COL9A1: variants seen among roughly 807,000 people sequenced by gnomAD.
The protein encoded by COL9A1 is collagen alpha-1(IX) chain.
A neutral mutation model predicts 142.6 loss-of-function variants in COL9A1; 104 were observed. The observed-to-expected ratio is 0.73, with a 90% CI of 0.62 to 0.86. COL9A1 has a LOEUF of 0.86. COL9A1 is among the 40% of genes least tolerant of loss of function. The probability of loss-of-function intolerance (pLI) is 0.00; values close to 1 mark genes in which losing one functional copy is unlikely to be tolerated. For synonymous variants in COL9A1, 466 were observed against 396.0 expected, an observed-to-expected ratio of 1.18 and a Z score of -2.10; for missense variants, 1,210 against 1,176.6, an observed-to-expected ratio of 1.03 and a Z score of -0.42.
chr6:70,235,059 G>T, intron 33 of COL9A1, 119 bp from the exon 34 acceptor site: 1 of 1,263,890 alleles, frequency 7.9e-7, no homozygotes, highest in Non-Finnish European at 1.1e-6. Flanking sequence ...CCTAACAGGT[G>T]TTCTTTCAGA....
At chr6:70,300,248 T>C in intron 3 of COL9A1, 61 bp downstream of exon 3, 1 of 1,325,386 alleles carries the variant, frequency 7.5e-7, no homozygotes, top group Admixed American at 2.0e-5. Flanking sequence ...CTTTCCCAAA[T>C]AAAAAAAAAA....
At chr6:70,261,393 G>T (rs1307661657) in intron 19 of COL9A1, among the ~76,000 whole-genome samples, 2 of 152,162 alleles carry the variant, frequency 1.3e-5, no homozygotes, top group Non-Finnish European at 2.9e-5. Context: ...ATACTAGGAG[G>T]GATCCAGAAA....
At chr6:70,283,388 G>T in intron 6 of COL9A1, 1 of 767,624 alleles carries the variant, frequency 1.3e-6, no homozygotes, top group Non-Finnish European at 2.0e-6. Context: ...GCTTCTGGCT[G>T]TCCTCGGAGA....
At chr6:70,242,089 A>G in intron 29 of COL9A1, 54 bp from the exon 30 acceptor site, 1 of 1,473,096 alleles carries the variant, frequency 6.8e-7, no homozygotes, top group Non-Finnish European at 9.3e-7. Flanking sequence ...CACTGAAAGC[A>G]CGGAAGGCAG....
intron 20 of COL9A1, 80 bp from the exon 21 acceptor site, chr6:70,256,901 T>G (rs745778717): frequency 1.8e-5 from 24 of 1,354,770 alleles, no homozygotes; most frequent in Admixed American, 7.2e-5. Flanking sequence ...CTAAAGAAAT[T>G]TAATAGCCAG....
chr6:70,268,628 C>T (rs1772188598), intron 17 of COL9A1, among the ~76,000 whole-genome samples, 176 bp downstream of exon 17: 1 of 152,198 alleles, frequency 6.6e-6, no homozygotes, highest in South Asian at 2.1e-4. Context: ...ACCTCCATGT[C>T]TTGGTAGGAA....
chr6:70,278,726 C>T (rs1245212628), intron 10 of COL9A1, among the ~76,000 whole-genome samples: 1 of 152,196 alleles, frequency 6.6e-6, no homozygotes, highest in Non-Finnish European at 1.5e-5. Context: ...GTTTATGCTG[C>T]ACTGTGGGTC....
chr6:70,252,992 A>G (rs1771048104), intron 26 of COL9A1, among the ~76,000 whole-genome samples: 1 of 151,946 alleles, frequency 6.6e-6, no homozygotes, highest in South Asian at 2.1e-4. Context: ...TATGTAGAAT[A>G]TAAGCACTGG....
chr6:70,278,736 C>T (rs905661031), intron 10 of COL9A1, among the ~76,000 whole-genome samples: 5 of 152,270 alleles, frequency 3.3e-5, no homozygotes, highest in African/African-American at 1.2e-4. Context: ...CACTGTGGGT[C>T]TGCAAATATA....
intron 20 of COL9A1, 22 bp from the exon 21 acceptor site, chr6:70,256,843 GA>G (rs780951208): frequency 1.2e-6 from 2 of 1,611,462 alleles, no homozygotes; most frequent in Non-Finnish European, 1.7e-6. Flanking sequence ...CAAGACAATG[GA>G]AAAAAACTGA....
At chr6:70,291,148 A>C in intron 5 of COL9A1, among the ~76,000 whole-genome samples, 1 of 152,170 alleles carries the variant, frequency 6.6e-6, no homozygotes, top group East Asian at 1.9e-4. Flanking sequence ...CAAGGGACTA[A>C]GGACAACTCA....
At chr6:70,242,737 C>T in intron 28 of COL9A1, 22 bp from the exon 29 acceptor site, 1 of 1,612,154 alleles carries the variant, frequency 6.2e-7, no homozygotes, top group Non-Finnish European at 8.5e-7. Flanking sequence ...CAAACATTGT[C>T]AATTGGATAT....
intron 5 of COL9A1, among the ~76,000 whole-genome samples, chr6:70,288,634 G>T (rs1773544796): frequency 6.6e-6 from 1 of 152,082 alleles, no homozygotes; most frequent in South Asian, 2.1e-4. Context: ...CACACTGGCT[G>T]CCAGGGAGTT....
intron 5 of COL9A1, among the ~76,000 whole-genome samples, chr6:70,292,589 C>T (rs373171722): frequency 6.6e-6 from 1 of 152,164 alleles, no homozygotes; most frequent in Non-Finnish European, 1.5e-5. Context: ...TAGCTTACTG[C>T]TCTGGCAATA....
intron 36 of COL9A1, among the ~76,000 whole-genome samples, chr6:70,232,315 T>C (rs549865968): frequency 1.4e-4 from 21 of 152,288 alleles, no homozygotes; most frequent in Admixed American, 3.9e-4. Flanking sequence ...TGAACCATGA[T>C]TGAGGTAGAG....
At chr6:70,278,476 C>T (rs889033768) in intron 10 of COL9A1, among the ~76,000 whole-genome samples, 3 of 152,180 alleles carry the variant, frequency 2.0e-5, no homozygotes, top group African/African-American at 4.8e-5. Context: ...TGTGGCAGTG[C>T]TTGAGGAAAA....
intron 17 of COL9A1, among the ~76,000 whole-genome samples, chr6:70,268,489 A>G (rs1313986276): frequency 3.9e-5 from 6 of 152,212 alleles, no homozygotes; most frequent in Non-Finnish European, 8.8e-5. Context: ...TTCTAGGATT[A>G]CAGGCATGAA....
intron 21 of COL9A1, 140 bp downstream of exon 21, chr6:70,256,628 A>T: frequency 1.6e-6 from 1 of 606,232 alleles, no homozygotes; most frequent in East Asian, 2.9e-5. Context: ...TCTTAATTAA[A>T]TTTAAATTTA....
intron 10 of COL9A1, among the ~76,000 whole-genome samples, chr6:70,277,072 A>C (rs184099124): frequency 6.6e-6 from 1 of 152,342 alleles, no homozygotes; most frequent in East Asian, 1.9e-4. Context: ...ATAGTTGTAT[A>C]CATTCAGAAA....
Sources: allele counts gnomAD v4.1 joint callset (sites outside exome capture counted in the v4.1 genomes callset), GRCh38; gene constraint gnomAD v4.1.1; transcripts MANE v1.5; gene names NCBI Gene and HGNC (gene_info 2026-07-23, HGNC 2026-07-21).